Variants in TMPRSS6 observed in about 807,000 individuals in gnomAD.
TMPRSS6 encodes transmembrane protease serine 6.
A neutral mutation model predicts 101.5 loss-of-function variants in TMPRSS6; 67 were observed. The ratio of observed to expected loss-of-function variants is 0.66; its 90% CI spans 0.54 to 0.81. TMPRSS6 has a LOEUF of 0.81. Ranked by LOEUF, TMPRSS6 falls within the 30% of genes least tolerant of loss-of-function variation. The pLI, the probability that TMPRSS6 is intolerant of heterozygous loss-of-function variation, is 0.00. For missense variants in TMPRSS6, 1,034 were observed against 1,088.7 expected (o/e 0.95, Z 0.71); for synonymous variants, 453 against 464.9 (o/e 0.97, Z 0.33).
At position 37,089,756 on chromosome 22, in the gene TMPRSS6, G is replaced by A; in HGVS notation, c.658C>T (p.Gln220Ter). Residue 220 changes from glutamine to a stop codon, truncating the protein, a stop_gained, in exon 7 of 18, where the codon CAG (glutamine) becomes TAG (stop). Coordinates refer to ENST00000676104, the MANE Select transcript of TMPRSS6 (RefSeq NM_001374504.1). LOFTEE classifies it high-confidence loss of function. ...LGCYRYSYVG[Q>*]GQVLRLKGPD... ...CCCTTCAGCCGGAGGACCTGGCCCT[G>A]GCCCACGTAGCTGTAGCGGTAACAA... is the stretch of plus-strand genomic sequence containing the variant. 1 of 1,612,526 alleles carries A rather than the reference G, an allele frequency of 6.2e-7. No homozygotes were observed. Among genetic ancestry groups the A allele is most frequent in the Non-Finnish European group, 8.5e-7 (1 of 1,179,732 alleles).
At chr22:37,066,297 G>T in intron 17 of TMPRSS6, 59 bp from the exon 18 acceptor site, 14 of 1,496,742 alleles carry the variant, frequency 9.4e-6, no homozygotes, top group Non-Finnish European at 1.3e-5. Flanking sequence ...TTTTCCAGGT[G>T]AAGAGCCATA....
intron 13 of TMPRSS6, 106 bp from the exon 14 acceptor site, chr22:37,071,138 G>A: frequency 9.9e-7 from 1 of 1,010,296 alleles, no homozygotes; most frequent in Middle Eastern, 2.1e-4. Flanking sequence ...GAGCCAGGAG[G>A]TGACTAGAGA....
intron 10 of TMPRSS6, among the ~76,000 whole-genome samples, chr22:37,075,843 G>A (rs550281560): frequency 1.8e-4 from 28 of 152,030 alleles, no homozygotes; most frequent in Non-Finnish European, 2.8e-4. Context: ...CAGAGGTTGC[G>A]GTGAGCCGAG....
chr22:37,086,022 G>T (rs1928719418), intron 8 of TMPRSS6, among the ~76,000 whole-genome samples: 1 of 151,312 alleles, frequency 6.6e-6, no homozygotes, highest in Non-Finnish European at 1.5e-5. Flanking sequence ...AGAGAAAGAG[G>T]AGGGAAGCAA....
At chr22:37,073,748 C>G in intron 12 of TMPRSS6, 103 bp from the exon 13 acceptor site, 1 of 787,218 alleles carries the variant, frequency 1.3e-6, no homozygotes, top group Non-Finnish European at 2.3e-6. Flanking sequence ...CGTTACCAAT[C>G]ACAAATCTCT....
chr22:37,108,117 A>C (rs228913), intron 1 of TMPRSS6, among the ~76,000 whole-genome samples: 28,837 of 151,860 alleles, frequency 0.19, 2,880 homozygotes, highest in African/African-American at 0.25. Context: ...CTGGACTTCC[A>C]TTGGTGAGAA....
At chr22:37,073,178 G>A (rs1927300727) in intron 13 of TMPRSS6, among the ~76,000 whole-genome samples, 1 of 151,208 alleles carries the variant, frequency 6.6e-6, no homozygotes. Flanking sequence ...ATGGATGGAT[G>A]GATGGATGGA....
At chr22:37,099,000 G>A (rs2146171759) in intron 2 of TMPRSS6, among the ~76,000 whole-genome samples, 1 of 152,362 alleles carries the variant, frequency 6.6e-6, no homozygotes, top group Non-Finnish European at 1.5e-5. Flanking sequence ...CAAGACAGAT[G>A]TGCCTCCCCT....
chr22:37,099,207 A>G (rs894683503), intron 2 of TMPRSS6, among the ~76,000 whole-genome samples: 1 of 152,196 alleles, frequency 6.6e-6, no homozygotes, highest in East Asian at 1.9e-4. Flanking sequence ...GTAAATTGGT[A>G]AGAGAAGAGG....
chr22:37,075,065 T>G, intron 11 of TMPRSS6, 70 bp downstream of exon 11: 1 of 1,611,428 alleles, frequency 6.2e-7, no homozygotes, highest in Non-Finnish European at 8.5e-7. Flanking sequence ...CACAGCCCCC[T>G]TGGTGGTTCC....
rs1208973765 is a variant in TMPRSS6 at position 37,101,007 on chromosome 22, A to G, written c.202+2209T>C. 6.6e-6 allele frequency among the ~76,000 whole-genome samples: 1 copy of G among 152,134 alleles called. No homozygotes were observed. Among genetic ancestry groups the G allele is most frequent in the African/African-American group, 2.4e-5 (1 of 41,422 alleles). On this transcript the variant is annotated intron_variant, in intron 2 of 17. Transcript: ENST00000676104. This position sits in a 1 kb window ranked among gnomAD's most constrained non-coding sequence, Gnocchi z 4.1. Reference sequence around the variant, plus strand: ...GCAACCTGGGATGTTGGCGAGCTTGACAATGGCCATTGGAGTTGGGGGGCA... The same window carrying G: ...GCAACCTGGGATGTTGGCGAGCTTGGCAATGGCCATTGGAGTTGGGGGGCA...
At chr22:37,110,331 TG>T (rs1930981995), upstream of TMPRSS6, among the ~76,000 whole-genome samples, 2 of 151,814 alleles carry the variant, frequency 1.3e-5, no homozygotes, top group South Asian at 4.2e-4. Context: ...TTAGAAGAGA[TG>T]GGGTTTCACC....
intron 1 of TMPRSS6, among the ~76,000 whole-genome samples, chr22:37,104,967 A>T (rs1400917434): frequency 6.6e-6 from 1 of 151,722 alleles, no homozygotes; most frequent in Non-Finnish European, 1.5e-5. Context: ...CTTGAGAAAA[A>T]AAAAAACATA....
intron 17 of TMPRSS6, 94 bp downstream of exon 17, chr22:37,066,732 T>G: frequency 6.4e-7 from 1 of 1,554,370 alleles, no homozygotes; most frequent in Non-Finnish European, 8.8e-7. Flanking sequence ...GATGGGAGGC[T>G]TCAGCAGGCT....
intron 1 of TMPRSS6, among the ~76,000 whole-genome samples, chr22:37,104,956 G>A (rs1000270700): frequency 3.5e-5 from 5 of 142,454 alleles, no homozygotes; most frequent in Non-Finnish European, 7.6e-5. Context: ...GCAAGACTCT[G>A]CTTGAGAAAA....
At position 37,101,198 on chromosome 22, in the gene TMPRSS6, C is replaced by T. The variant is rs1930284783; in HGVS notation, c.202+2018G>A. Among the ~76,000 whole-genome samples the T allele has an allele frequency of 6.6e-6, 1 of 152,030 alleles. No homozygotes were observed. Among genetic ancestry groups the T allele is most frequent in the African/African-American group, 2.4e-5 (1 of 41,380 alleles). ...GGCAGAGGGGGCGGGATCGGGGTCC[C>T]AGGAGGAGTGCACGTGATGCAGCTG... On this transcript the variant is annotated intron_variant, in intron 2 of 17. Transcript: ENST00000676104. The surrounding 1 kb of genome is among the most constrained non-coding windows in gnomAD (Gnocchi z 4.1).
intron 7 of TMPRSS6, among the ~76,000 whole-genome samples, chr22:37,086,722 C>T (rs1003191512): frequency 4.6e-5 from 7 of 152,230 alleles, no homozygotes; most frequent in Non-Finnish European, 1.0e-4. Flanking sequence ...CCCATGCTCC[C>T]TCCCCAGACC....
At chr22:37,082,939 G>T (rs2146098476) in intron 10 of TMPRSS6, 1 of 467,778 alleles carries the variant, frequency 2.1e-6, no homozygotes, top group East Asian at 6.9e-5. Flanking sequence ...CCTTTTGTCT[G>T]GATGATCCTT....
intron 3 of TMPRSS6, among the ~76,000 whole-genome samples, chr22:37,097,143 G>A (rs371415404): frequency 2.6e-4 from 39 of 152,334 alleles, no homozygotes; most frequent in African/African-American, 7.7e-4. Flanking sequence ...TTTGCGCAGC[G>A]TGGGAATAGT....
Sources: gnomAD v4.1 joint callset for allele counts (sites outside exome capture counted in the v4.1 genomes callset) on GRCh38, gnomAD v4.1.1 for gene constraint, Gnocchi (gnomAD v3.1) non-coding constraint, MANE v1.5 for transcripts, NCBI Gene and HGNC (gene_info 2026-07-23, HGNC 2026-07-21) for gene names.